Variants in NDUFS4 observed in about 807,000 individuals in gnomAD.
The protein encoded by NDUFS4 is NADH:ubiquinone oxidoreductase subunit S4, also known as NADH dehydrogenase [ubiquinone] iron-sulfur protein 4, mitochondrial.
In NDUFS4, 28 loss-of-function variants were observed where a neutral mutation model predicts 24.3. The ratio of observed to expected loss-of-function variants is 1.15; its 90% confidence interval spans 0.85 to 1.58. The LOEUF is 1.58. NDUFS4 is among the 40% of genes most tolerant of loss of function. The pLI, the probability that NDUFS4 is intolerant of heterozygous loss-of-function variation, is 0.00. For synonymous variants in NDUFS4, 93 were observed against 69.7 expected, an observed-to-expected ratio of 1.34 and a Z score of -1.67; for missense variants, 223 against 207.9, an observed-to-expected ratio of 1.07 and a Z score of -0.45.
intron 2 of NDUFS4, among the ~76,000 whole-genome samples, chr5:53,640,092 T>A (rs1406952660): frequency 6.6e-6 from 1 of 151,438 alleles, no homozygotes; most frequent in South Asian, 2.1e-4. Flanking sequence ...TTTTTTTTTT[T>A]CCTCTTCTCA....
intron 2 of NDUFS4, among the ~76,000 whole-genome samples, chr5:53,623,367 T>C (rs1751113097): frequency 1.3e-5 from 2 of 152,330 alleles, no homozygotes; most frequent in South Asian, 4.1e-4. Flanking sequence ...CTTAATAAAT[T>C]AGTGATGTTG....
At chr5:53,620,549 A>G (rs1751002302) in intron 2 of NDUFS4, among the ~76,000 whole-genome samples, 1 of 152,192 alleles carries the variant, frequency 6.6e-6, no homozygotes, top group South Asian at 2.1e-4. Flanking sequence ...AGCATTAACT[A>G]TTGCTGCTGC....
At chr5:53,671,918 T>G (rs1160044564) in intron 4 of NDUFS4, among the ~76,000 whole-genome samples, 1 of 152,188 alleles carries the variant, frequency 6.6e-6, no homozygotes, top group Non-Finnish European at 1.5e-5. Flanking sequence ...CTATAAAAAC[T>G]CTTTGAAATT....
rs140159668 is a variant in NDUFS4 at position 53,572,383 on chromosome 5, C to T, written c.98+11623C>T. Among the ~76,000 whole-genome samples the T allele has an allele frequency of 4.9e-3, 752 of 152,226 alleles. 8 individuals are homozygous for T. The highest frequency in any genetic ancestry group is 0.017 in the African/African-American group (716 of 41,526). On this transcript the variant is annotated intron_variant, in intron 1 of 4. Coordinates refer to ENST00000296684, the MANE Select transcript of NDUFS4 (RefSeq NM_002495.4). ...GAAGGTCAAAGGTACCTTCCTACTTCGGCCGTTTTTCAGTATTACAAGGTG... is the reference window on the plus strand; with the variant it reads ...GAAGGTCAAAGGTACCTTCCTACTTTGGCCGTTTTTCAGTATTACAAGGTG...
intron 1 of NDUFS4, among the ~76,000 whole-genome samples, chr5:53,573,189 G>T (rs1344144661): frequency 1.3e-5 from 2 of 151,748 alleles, no homozygotes; most frequent in African/African-American, 4.8e-5. Context: ...TGCCCAGGCT[G>T]GTCTTGAACT....
chr5:53,621,099 G>A (rs1751020369), intron 2 of NDUFS4, among the ~76,000 whole-genome samples: 1 of 152,128 alleles, frequency 6.6e-6, no homozygotes, highest in Non-Finnish European at 1.5e-5. Context: ...TCACATTTTT[G>A]CTTCACTTAT....
chr5:53,664,265 C>T (rs256115), intron 4 of NDUFS4, among the ~76,000 whole-genome samples: 53,251 of 152,002 alleles, frequency 0.35, 10,223 homozygotes, highest in African/African-American at 0.51. Context: ...CCGTTAACAT[C>T]TTTTCCTTCA....
intron 1 of NDUFS4, among the ~76,000 whole-genome samples, chr5:53,596,827 A>T (rs911802317): frequency 6.6e-6 from 1 of 152,258 alleles, no homozygotes; most frequent in Admixed American, 6.5e-5. Context: ...GATTGACTCC[A>T]TAATGGTTTT....
At chr5:53,605,842 A>G (rs187082221) in intron 2 of NDUFS4, among the ~76,000 whole-genome samples, 2 of 152,024 alleles carry the variant, frequency 1.3e-5, no homozygotes, top group African/African-American at 4.8e-5. Context: ...GTGAAACCTC[A>G]TCTCTACCAA....
intron 1 of NDUFS4, among the ~76,000 whole-genome samples, chr5:53,576,728 TC>T (rs1480005144): frequency 6.6e-6 from 1 of 152,218 alleles, no homozygotes; most frequent in Non-Finnish European, 1.5e-5. Flanking sequence ...AGCTGGGACC[TC>T]CTAGTCAAAA....
At chr5:53,649,471 T>A (rs1319184212) in intron 3 of NDUFS4, among the ~76,000 whole-genome samples, 1 of 152,226 alleles carries the variant, frequency 6.6e-6, no homozygotes, top group Non-Finnish European at 1.5e-5. Context: ...ATTTTCTGTT[T>A]CTGCATTAAT....
At chr5:53,626,599 T>G (rs1012072601) in intron 2 of NDUFS4, among the ~76,000 whole-genome samples, 1 of 152,246 alleles carries the variant, frequency 6.6e-6, no homozygotes, top group African/African-American at 2.4e-5. Flanking sequence ...GGTATCTCAT[T>G]GTGGTTTTGA....
intron 2 of NDUFS4, among the ~76,000 whole-genome samples, chr5:53,619,213 G>A (rs1246471296): frequency 1.3e-5 from 2 of 150,774 alleles, no homozygotes; most frequent in Admixed American, 1.3e-4. Context: ...GCTCACACCT[G>A]TAATCCCAGC....
At chr5:53,680,603 C>A (rs1740631810) in intron 4 of NDUFS4, among the ~76,000 whole-genome samples, 2 of 151,926 alleles carry the variant, frequency 1.3e-5, no homozygotes, top group African/African-American at 2.4e-5. Context: ...GGACAAAAAA[C>A]CAAACACCAC....
At chr5:53,649,525 A>T (rs1267741174) in intron 3 of NDUFS4, among the ~76,000 whole-genome samples, 2 of 152,196 alleles carry the variant, frequency 1.3e-5, no homozygotes, top group Non-Finnish European at 2.9e-5. Flanking sequence ...GTTGCCACAG[A>T]GGACATGATT....
At chr5:53,653,348 A>G (rs1401684838) in intron 3 of NDUFS4, among the ~76,000 whole-genome samples, 1 of 152,176 alleles carries the variant, frequency 6.6e-6, no homozygotes, top group Non-Finnish European at 1.5e-5. Flanking sequence ...AGGTTGGCAG[A>G]TAGTTCTTTT....
At chr5:53,655,185 A>G (rs983834896) in intron 3 of NDUFS4, among the ~76,000 whole-genome samples, 8 of 152,194 alleles carry the variant, frequency 5.3e-5, no homozygotes, top group African/African-American at 1.4e-4. Context: ...TACAGATCAG[A>G]AGCATACAGC....
At chr5:53,568,348 G>A (rs971355903) in intron 1 of NDUFS4, among the ~76,000 whole-genome samples, 3 of 151,986 alleles carry the variant, frequency 2.0e-5, no homozygotes, top group Non-Finnish European at 2.9e-5. Flanking sequence ...TAGCTCTATG[G>A]TGATTCTAAT....
rs1532162 is a variant in NDUFS4 at position 53,560,967 on chromosome 5, G to T, written c.98+207G>T. 0.22 allele frequency among the ~76,000 whole-genome samples: 34,171 copies of T among 151,960 alleles called. 4,707 individuals carry two copies. Among genetic ancestry groups the T allele is most frequent in the East Asian group, 0.46 (2,377 of 5,122 alleles). On this transcript the variant is annotated intron_variant, in intron 1 of 4. Transcript: ENST00000296684. The stretch of plus-strand genomic sequence containing the variant: ...GCGTGAGTGCGAGGCCGGGGAGGAG[G>T]ACCTGTGGTTTTCTGGAAGCTTTCG...
Sources: gnomAD v4.1 joint callset for allele counts (sites outside exome capture counted in the v4.1 genomes callset) on GRCh38, gnomAD v4.1.1 for gene constraint, MANE v1.5 for transcripts, NCBI Gene and HGNC (gene_info 2026-07-23, HGNC 2026-07-21) for gene names.